MYO9A: variants seen among roughly 807,000 people sequenced by gnomAD.
The protein encoded by MYO9A is myosin IXA.
In MYO9A, 103 loss-of-function variants were observed where a neutral mutation model predicts 293.3. The observed-to-expected ratio is 0.35, with a 90% CI of 0.30 to 0.41. MYO9A has a LOEUF of 0.41. Among genes scored for constraint, MYO9A ranks in the 10% least tolerant of loss-of-function variants. MYO9A has a pLI of 1.00. For synonymous variants in MYO9A, 1,001 were observed against 1,035.7 expected, an observed-to-expected ratio of 0.97 and a Z score of 0.64; for missense variants, 2,685 against 3,033.0, an observed-to-expected ratio of 0.89 and a Z score of 2.69.
intron 34 of MYO9A, among the ~76,000 whole-genome samples, chr15:71,857,854 T>G (rs1267958171): frequency 6.6e-6 from 1 of 152,226 alleles, no homozygotes; most frequent in African/African-American, 2.4e-5. Context: ...TGCAATCTAC[T>G]CATCTGACAA....
intron 4 of MYO9A, among the ~76,000 whole-genome samples, chr15:72,024,644 T>C (rs1220711208): frequency 6.6e-6 from 1 of 152,300 alleles, no homozygotes; most frequent in East Asian, 1.9e-4. Context: ...ATAAATGTGT[T>C]GATGGATGTA....
chr15:71,838,075 G>C (rs774285481), intron 39 of MYO9A, among the ~76,000 whole-genome samples: 12 of 151,778 alleles, frequency 7.9e-5, no homozygotes, highest in Non-Finnish European at 1.5e-4. Flanking sequence ...ATATTTTCTT[G>C]ACAGTATCAT....
intron 19 of MYO9A, among the ~76,000 whole-genome samples, chr15:71,915,355 C>T (rs1052563210): frequency 6.6e-6 from 1 of 151,790 alleles, no homozygotes; most frequent in Non-Finnish European, 1.5e-5. Context: ...TTTCATTATA[C>T]TCAATTCCCT....
intron 38 of MYO9A, 56 bp from the exon 39 acceptor site, chr15:71,849,024 G>C (rs995426486): frequency 2.7e-6 from 4 of 1,476,568 alleles, no homozygotes; most frequent in Non-Finnish European, 1.8e-6. Context: ...ATAAAGTATA[G>C]CACTCACAGA....
chr15:72,029,334 C>CA (rs1425335814), intron 3 of MYO9A, among the ~76,000 whole-genome samples: 1 of 152,150 alleles, frequency 6.6e-6, no homozygotes, highest in Non-Finnish European at 1.5e-5. Flanking sequence ...GTCAGCATCA[C>CA]AGAGTGCACT....
At chr15:71,885,562 C>T (rs187592170) in intron 27 of MYO9A, among the ~76,000 whole-genome samples, 3 of 152,146 alleles carry the variant, frequency 2.0e-5, no homozygotes, top group Non-Finnish European at 4.4e-5. Context: ...GGAGTGGTTT[C>T]CCTCATTGCC....
At chr15:72,038,940 T>C (rs1381216170) in intron 2 of MYO9A, among the ~76,000 whole-genome samples, 1 of 152,072 alleles carries the variant, frequency 6.6e-6, no homozygotes, top group Non-Finnish European at 1.5e-5. Flanking sequence ...TTAAAATATA[T>C]ACATAATCTA....
rs567167080 is a variant in MYO9A, at chr15:71,852,734, T to G, written c.6347-474A>C. 5.9e-5 allele frequency among the ~76,000 whole-genome samples: 9 copies of G among 152,334 alleles called. No homozygotes were observed. The East Asian group carries it at 1.7e-3, about 29-fold the overall frequency. ...TAATTCCATGCTTTGGAACTGTGCT[T>G]CTAACTGTGGTGAAAGAATACGTCT... On this transcript the variant is annotated intron_variant, in intron 35 of 41. Coordinates refer to ENST00000356056, the MANE Select transcript of MYO9A (RefSeq NM_006901.4).
intron 11 of MYO9A, among the ~76,000 whole-genome samples, chr15:71,981,300 T>G: frequency 6.6e-6 from 1 of 152,230 alleles, no homozygotes; most frequent in South Asian, 2.1e-4. Context: ...CCCCCTAAAA[T>G]GTACTGAGAA....
At chr15:72,111,658 G>C (rs571988888) in intron 1 of MYO9A, among the ~76,000 whole-genome samples, 17 of 145,016 alleles carry the variant, frequency 1.2e-4, no homozygotes, top group Non-Finnish European at 2.5e-4. Context: ...TTTTTTTGAG[G>C]CAGGGTCTCA....
In MYO9A at chr15:71,849,179, G is replaced by T. The variant is rs550759369; in HGVS notation, c.6714-211C>A. On this transcript the variant is annotated intron_variant, in intron 38 of 41. Transcript: ENST00000356056. ...TAAAGAGCAGTTATGGCTGAGCACA[G>T]TGGTTCATGCCTGTAATCCCAGCGC... is the stretch of plus-strand genomic sequence containing the variant. Among the ~76,000 whole-genome samples the T allele has an allele frequency of 2.6e-5, 4 of 152,354 alleles. No homozygotes were observed. The South Asian group carries it at 8.3e-4, about 32-fold the overall frequency.
chr15:72,087,295 C>G (rs753619354), intron 1 of MYO9A, among the ~76,000 whole-genome samples: 5 of 152,208 alleles, frequency 3.3e-5, no homozygotes, highest in Non-Finnish European at 7.3e-5. Flanking sequence ...CCTATGGGAG[C>G]AAGTCAAGCC....
intron 1 of MYO9A, among the ~76,000 whole-genome samples, chr15:72,107,305 T>C (rs936574468): frequency 1.3e-5 from 2 of 152,154 alleles, no homozygotes; most frequent in Non-Finnish European, 2.9e-5. Context: ...TCCTAGCACT[T>C]TGGGAGGCTG....
chr15:71,892,306 G>T (rs1334771557), intron 26 of MYO9A: 1 of 152,182 alleles, frequency 6.6e-6, no homozygotes, highest in Non-Finnish European at 1.5e-5. Context: ...GGCTGGGTTG[G>T]TCCAGGAAGA....
At chr15:72,039,939 C>A in intron 2 of MYO9A, 1 of 187,634 alleles carries the variant, frequency 5.3e-6, no homozygotes, top group South Asian at 1.2e-4. Flanking sequence ...TCTCCAGGTC[C>A]TGGGAGATGC....
intron 18 of MYO9A, among the ~76,000 whole-genome samples, chr15:71,925,160 CATGTGTATATAT>C (rs1169180072): frequency 5.6e-3 from 5 of 896 alleles, no homozygotes; most frequent in Non-Finnish European, 0.016. Context: ...CACATATATA[CATGTGTATATAT>C]ACACATATAT....
intron 11 of MYO9A, among the ~76,000 whole-genome samples, chr15:71,979,931 G>A (rs942738297): frequency 2.6e-5 from 4 of 152,198 alleles, no homozygotes; most frequent in Admixed American, 2.6e-4. Context: ...TATTATTGAG[G>A]AGAGAGAAGG....
intron 21 of MYO9A, 121 bp downstream of exon 21, chr15:71,903,808 C>T (rs1596151492): frequency 9.8e-6 from 8 of 816,010 alleles, no homozygotes; most frequent in Middle Eastern, 2.5e-4. Context: ...GTATACAAAA[C>T]GTGAAATGGA....
intron 11 of MYO9A, among the ~76,000 whole-genome samples, chr15:71,985,193 T>G (rs185160711): frequency 1.4e-4 from 21 of 152,310 alleles, no homozygotes; most frequent in African/African-American, 4.8e-4. Context: ...GTGCTGGGAT[T>G]ACAGACGTGA....
Sources: allele counts gnomAD v4.1 joint callset (sites outside exome capture counted in the v4.1 genomes callset), GRCh38; gene constraint gnomAD v4.1.1; transcripts MANE v1.5; gene names NCBI Gene and HGNC (gene_info 2026-07-23, HGNC 2026-07-21).